LCT: variants seen among roughly 807,000 people sequenced by gnomAD.
LCT encodes lactase/phlorizin hydrolase.
Under a neutral mutation model 173.0 loss-of-function variants are expected in LCT, and 90 were observed. The ratio of observed to expected loss-of-function variants is 0.52; its 90% CI spans 0.44 to 0.62. LCT has a LOEUF of 0.62. Ranked by LOEUF, LCT falls within the 20% of genes least tolerant of loss-of-function variation. The probability of loss-of-function intolerance (pLI) is 0.00; values close to 1 mark genes in which losing one functional copy is unlikely to be tolerated. For missense variants in LCT, 1,864 were observed against 2,431.4 expected (o/e 0.77, Z 4.91); for synonymous variants, 853 against 957.6 (o/e 0.89, Z 2.02).
chr2:135,833,693 G>T (rs1379686487), intron 1 of LCT, among the ~76,000 whole-genome samples: 2 of 151,458 alleles, frequency 1.3e-5, no homozygotes, highest in Non-Finnish European at 2.9e-5. Flanking sequence ...TGATCTGCCC[G>T]CCTTGGCCTC....
At chr2:135,810,479 T>C (rs1469459948) in intron 7 of LCT, among the ~76,000 whole-genome samples, 4 of 152,166 alleles carry the variant, frequency 2.6e-5, no homozygotes, top group Admixed American at 2.6e-4. Context: ...ATCAGGCCAC[T>C]TTTGTGGCCA....
At chr2:135,821,106 C>T (rs973269692) in intron 5 of LCT, among the ~76,000 whole-genome samples, 3 of 152,172 alleles carry the variant, frequency 2.0e-5, no homozygotes, top group African/African-American at 4.8e-5. Context: ...TGGTCTCGAT[C>T]TCCTGACCTC....
In LCT at chr2:135,796,986, C is replaced by T. The variant is rs1453946083; in HGVS notation, c.4976+1043G>A. ...TTTGAGACAAAGAGTCTTGCTCCAT[C>T]GTCCAGGCTGGAGTGCAGTGGCATG... On this transcript the variant is annotated intron_variant, in intron 13 of 16. Transcript: ENST00000264162. Among the ~76,000 whole-genome samples, 8 of 142,154 alleles carry T rather than the reference C, an allele frequency of 5.6e-5. No homozygotes were observed. In the East Asian group the frequency reaches 1.2e-3, roughly 22 times the overall value. 93.3% of individuals were successfully genotyped at this position (142,154 alleles called of 152,430 possible).
intron 4 of LCT, among the ~76,000 whole-genome samples, chr2:135,823,607 G>C (rs762159944): frequency 7.2e-4 from 109 of 152,304 alleles, no homozygotes; most frequent in South Asian, 2.3e-3. Flanking sequence ...GGTAATAAAA[G>C]GAGGCAAAGA....
intron 4 of LCT, 107 bp downstream of exon 4, chr2:135,823,794 C>G: frequency 1.3e-6 from 1 of 775,280 alleles, no homozygotes; most frequent in East Asian, 2.7e-5. Flanking sequence ...TACTAGTCTT[C>G]CTCCCATGCT....
chr2:135,794,312 G>T, intron 14 of LCT: 1 of 239,070 alleles, frequency 4.2e-6, no homozygotes, highest in Non-Finnish European at 8.2e-6. Flanking sequence ...TTTTTTTCTT[G>T]AAAATCCTTT....
At chr2:135,831,083 C>T (rs929834738) in intron 2 of LCT, among the ~76,000 whole-genome samples, 2 of 152,178 alleles carry the variant, frequency 1.3e-5, no homozygotes, top group African/African-American at 4.8e-5. Context: ...GTCTTGGTCT[C>T]CGTGCTCTCT....
chr2:135,817,703 G>T lies in LCT; in HGVS notation c.1345C>A (p.Gln449Lys). The change falls in exon 6 of 17, where the codon CAG (glutamine) becomes AAG (lysine). Residue 449 changes from glutamine (Q) to lysine (K), a missense_variant. Gln to Lys is a moderately conservative substitution (Grantham distance 53). Coordinates refer to ENST00000264162, the MANE Select transcript of LCT (RefSeq NM_002299.4). ...CAGGAGATGGAGAACTTGTACACCT[G>T]AGCCCGGAGGCCGCAAAGCAGGGCG... ...DVALLCGLRAQVYKFSISWSR... is the reference protein window; with the variant it reads ...DVALLCGLRAKVYKFSISWSR... 1 of 1,613,986 alleles carries T rather than the reference G, an allele frequency of 6.2e-7. No individual in the cohort carries two copies. Among genetic ancestry groups the T allele is most frequent in the Non-Finnish European group, 8.5e-7 (1 of 1,180,046 alleles).
Position 135,788,439 on chromosome 2 carries a change from A to C in LCT, c.5669T>G (p.Leu1890Arg). The change falls in exon 17 of 17, where the codon CTT becomes CGT. Residue 1890 changes from leucine (L) to arginine (R), a missense_variant. Leu to Arg is a moderately radical substitution (Grantham distance 102). This residue lies in a region of LCT where 514 missense variants were observed against 750.1 expected (regional missense o/e 0.69). Coordinates refer to ENST00000264162, the MANE Select transcript of LCT (RefSeq NM_002299.4). Reference protein sequence around the residue: ...AQTALYVLFSLVLLGVCGLAF... With the variant: ...AQTALYVLFSRVLLGVCGLAF... ...CAAGCCACAGACTCCAAGAAGCACA[A>C]GAGAAAAGAGAACGTACAAAGCTGT... is the stretch of plus-strand genomic sequence containing the variant. 1 of 1,614,002 alleles carries C rather than the reference A, an allele frequency of 6.2e-7. No homozygotes were observed. The highest frequency in any genetic ancestry group is 1.3e-5 in the African/African-American group (1 of 75,068).
intron 4 of LCT, 102 bp downstream of exon 4, chr2:135,823,799 C>T: frequency 1.3e-6 from 1 of 795,168 alleles, no homozygotes; most frequent in Non-Finnish European, 2.2e-6. Context: ...GTCTTCCTCC[C>T]ATGCTCCTCC....
rs142467054 is a variant in LCT at position 135,805,066 on chromosome 2, G to C, written c.4174-9C>G. 5.6e-6 allele frequency: 9 copies of C among 1,613,828 alleles called. No homozygotes were observed. Among genetic ancestry groups the C allele is most frequent in the Non-Finnish European group, 5.9e-6 (7 of 1,179,710 alleles). On this transcript the variant is annotated splice_polypyrimidine_tract_variant and intron_variant, in intron 9 of 16. Transcript: ENST00000264162. ...CTCCACGCACCTTCAATCTCAAGAT[G>C]ACAAGACATGGTCTTATTAAGTCAT...
rs2077520911 is a variant in LCT, at chr2:135,789,931, T to C, written c.5336-133A>G. 1.3e-5 allele frequency: 10 copies of C among 764,030 alleles called. No individual in the cohort carries two copies. In the South Asian group the frequency reaches 1.4e-4, roughly 11 times the overall value. 47.3% of individuals were successfully genotyped at this position (764,030 alleles called of 1,614,324 possible). A position where few individuals can be genotyped will look rare whatever the true frequency, so the allele number is the denominator to read the frequency against. On this transcript the variant is annotated intron_variant, in intron 15 of 16. Transcript: ENST00000264162. ...GATGGCGGTAAGCTTTGGCTTTAGC[T>C]CTGTGAGAAAGCTGCCCCTTTCTTT...
At chr2:135,799,386 G>T (rs1399311168) in intron 12 of LCT, among the ~76,000 whole-genome samples, 4 of 152,140 alleles carry the variant, frequency 2.6e-5, no homozygotes, top group African/African-American at 9.7e-5. Context: ...CAGAGGAGCT[G>T]TGCCGTGAAC....
At position 135,805,046 on chromosome 2, in the gene LCT, C is replaced by G. The variant is rs183913069; in HGVS notation, c.4185G>C (p.Ala1395=). 1 of 1,614,162 alleles carries G rather than the reference C, an allele frequency of 6.2e-7. No homozygotes were observed. The highest frequency in any genetic ancestry group is 2.2e-5 in the East Asian group (1 of 44,890). The part of the protein sequence containing the change: ...AASAAYQIEG[A]WRADGKGLSI... The stretch of plus-strand genomic sequence containing the variant: ...TGAGTCCTTTGCCATCTGCTCTCCA[C>G]GCACCTTCAATCTCAAGATGACAAG... The change falls in exon 10 of 17, where the codon GCG becomes GCC. Residue 1395 remains alanine, a synonymous_variant. Transcript: ENST00000264162.
rs768558534 is a variant in LCT, at chr2:135,809,794, C to T, written c.2553G>A (p.Gly851=). The change falls in exon 8 of 17, where the codon GGG becomes GGA. Residue 851 remains glycine, a synonymous_variant. Transcript: ENST00000264162. This position sits in a 1 kb window ranked among gnomAD's most constrained non-coding sequence, Gnocchi z 5.5. ...IIEKNGFLTK[G]AKRLLPPNTV... The stretch of plus-strand genomic sequence containing the variant: ...TATTAGGTGGTAGCAGTCTTTTTGC[C>T]CCCTTGGTGAGGAAACCGTTCTTTT... The T allele has an allele frequency of 8.1e-6, 13 of 1,614,094 alleles. No homozygotes were observed. Among genetic ancestry groups the T allele is most frequent in the Non-Finnish European group, 1.1e-5 (13 of 1,180,026 alleles).
In LCT at chr2:135,809,895, G is replaced by A; in HGVS notation, c.2452C>T (p.His818Tyr). ...PSGYSQRFGL[H>Y]HVNFSDSSKS... ...CTGCTGTCGCTGAAGTTGACGTGGT[G>A]CAGGCCAAACCGCTGGCTGTAACCA... Residue 818 changes from histidine (H) to tyrosine (Y), a missense_variant, in exon 8 of 17, where the codon CAC becomes TAC. His to Tyr is a moderately conservative substitution (Grantham distance 83). This residue lies in a region of LCT where 755 missense variants were observed against 926.3 expected (regional missense o/e 0.82). Coordinates refer to ENST00000264162, the MANE Select transcript of LCT (RefSeq NM_002299.4). This position sits in a 1 kb window ranked among gnomAD's most constrained non-coding sequence, Gnocchi z 5.5. The A allele has an allele frequency of 1.2e-6, 2 of 1,614,182 alleles. No individual in the cohort carries two copies. Among genetic ancestry groups the A allele is most frequent in the Non-Finnish European group, 1.7e-6 (2 of 1,180,016 alleles).
At chr2:135,798,162 G>C (rs1389529104) in intron 12 of LCT, 24 bp from the exon 13 acceptor site, 1 of 1,290,518 alleles carries the variant, frequency 7.7e-7, no homozygotes, top group African/African-American at 1.4e-5. Flanking sequence ...GGGGGAGACA[G>C]CCCAGGCGTT....
rs1218693890 is a variant in LCT, at chr2:135,804,775, G to A, written c.4456C>T (p.Gln1486Ter). ...GCCAGGACCCACCATACCTGGGGCT[G>A]GATGCTGGCGGCCAGCAGTGTATCG... ...LIDTLLAASI[Q>*]PQVTIYHWDL... The change falls in exon 10 of 17, where the codon CAG becomes TAG. Residue 1486 changes from glutamine (Q) to a stop codon, truncating the protein, a stop_gained. Transcript: ENST00000264162. LOFTEE classifies it high-confidence loss of function. 1 of 1,612,646 alleles carries A rather than the reference G, an allele frequency of 6.2e-7. No homozygotes were observed. The highest frequency in any genetic ancestry group is 8.5e-7 in the Non-Finnish European group (1 of 1,180,008).
intron 13 of LCT, among the ~76,000 whole-genome samples, chr2:135,796,090 C>T (rs2077579708): frequency 6.6e-6 from 1 of 152,164 alleles, no homozygotes; most frequent in Non-Finnish European, 1.5e-5. Flanking sequence ...ATTTTCCAGG[C>T]ACTCTGAGTG....
Sources: gnomAD v4.1 joint callset for allele counts (sites outside exome capture counted in the v4.1 genomes callset) on GRCh38, gnomAD v4.1.1 for gene constraint, gnomAD v4.1.1 regional missense constraint, Gnocchi (gnomAD v3.1) non-coding constraint, MANE v1.5 for transcripts, NCBI Gene and HGNC (gene_info 2026-07-23, HGNC 2026-07-21) for gene names.